CTCF: variants seen among roughly 807,000 people sequenced by gnomAD.
CTCF encodes CCCTC-binding factor.
In CTCF, 7 loss-of-function variants were observed where a neutral mutation model predicts 72.3. The ratio of observed to expected loss-of-function variants is 0.10; its 90% CI spans 0.06 to 0.18. CTCF has a LOEUF of 0.18. Among genes scored for constraint, CTCF ranks in the 10% least tolerant of loss-of-function variants. The probability of loss-of-function intolerance (pLI) is 1.00; values close to 1 mark genes in which losing one functional copy is unlikely to be tolerated. For missense variants in CTCF, 516 were observed against 949.1 expected, an observed-to-expected ratio of 0.54 and a Z score of 6.00; for synonymous variants, 374 against 315.8, an observed-to-expected ratio of 1.18 and a Z score of -1.95.
intron 2 of CTCF, among the ~76,000 whole-genome samples, chr16:67,578,325 CTTTTTTTTTTTTTT>C (rs944395345): frequency 1.2e-5 from 1 of 84,480 alleles, no homozygotes; most frequent in Non-Finnish European, 2.2e-5. Flanking sequence ...GTTTATGTAT[CTTTTTTTTTTTTTT>C]TTTTTTTTTT....
At chr16:67,578,695 C>G (rs1490871453) in intron 2 of CTCF, among the ~76,000 whole-genome samples, 1 of 151,692 alleles carries the variant, frequency 6.6e-6, no homozygotes, top group African/African-American at 2.4e-5. Flanking sequence ...CGCCTGTAAT[C>G]TCAGCATTTT....
chr16:67,601,580 G>T (rs2051892918), intron 2 of CTCF, among the ~76,000 whole-genome samples: 1 of 151,938 alleles, frequency 6.6e-6, no homozygotes, highest in Admixed American at 6.6e-5. Context: ...CTGACCTCGG[G>T]GATGCTCTGA....
chr16:67,569,681 A>C (rs1470141197), intron 1 of CTCF, among the ~76,000 whole-genome samples: 1 of 150,814 alleles, frequency 6.6e-6, no homozygotes, highest in Admixed American at 6.6e-5. Context: ...TCCTTTTGCC[A>C]GTTATCTTTT....
rs2052467216 is a variant in CTCF at position 67,638,789 on chromosome 16, C to T, written c.*917C>T. The T allele has an allele frequency of 9.3e-6, 2 of 215,820 alleles. No individual in the cohort carries two copies. The highest frequency in any genetic ancestry group is 4.5e-5 in the African/African-American group (2 of 44,392). The allele number at this position is 215,820 out of a possible 1,614,324, so 13.4% of individuals were successfully genotyped here. Reference sequence around the variant, plus strand: ...CAGAAGGGTGATTATGAGTGGTTCACAGCAGCCCTTATAAGCTGGGCCAGA... The same window carrying T: ...CAGAAGGGTGATTATGAGTGGTTCATAGCAGCCCTTATAAGCTGGGCCAGA... On this transcript the variant is annotated 3_prime_UTR_variant, in exon 12 of 12. Coordinates refer to ENST00000264010, the MANE Select transcript of CTCF (RefSeq NM_006565.4).
intron 2 of CTCF, among the ~76,000 whole-genome samples, chr16:67,602,734 G>A (rs575498581): frequency 2.0e-5 from 3 of 151,728 alleles, no homozygotes; most frequent in Admixed American, 1.3e-4. Context: ...CCAGCTACTC[G>A]GGAGGCTGAG....
chr16:67,619,357 C>T (rs2052172658), intron 5 of CTCF, among the ~76,000 whole-genome samples: 1 of 152,006 alleles, frequency 6.6e-6, no homozygotes, highest in South Asian at 2.1e-4. Flanking sequence ...AATTGCTTGA[C>T]CCTGGGAGGC....
At chr16:67,569,976 C>T (rs1332849883) in intron 1 of CTCF, among the ~76,000 whole-genome samples, 1 of 152,094 alleles carries the variant, frequency 6.6e-6, no homozygotes, top group Non-Finnish European at 1.5e-5. Flanking sequence ...AAAGCATAGC[C>T]TTTACTTGTG....
At chr16:67,632,666 G>T (rs975906556) in intron 10 of CTCF, among the ~76,000 whole-genome samples, 3 of 151,784 alleles carry the variant, frequency 2.0e-5, no homozygotes, top group African/African-American at 4.8e-5. Context: ...CCCCAATTCT[G>T]ACTGAACTTG....
chr16:67,571,607 G>C (rs934443803), intron 2 of CTCF, among the ~76,000 whole-genome samples: 2 of 152,196 alleles, frequency 1.3e-5, no homozygotes, highest in African/African-American at 4.8e-5. Flanking sequence ...CCAGGAAATT[G>C]TGGCTGCTTT....
intron 7 of CTCF, among the ~76,000 whole-genome samples, chr16:67,624,580 C>G (rs1414075786): frequency 6.6e-6 from 1 of 151,824 alleles, no homozygotes; most frequent in East Asian, 1.9e-4. Flanking sequence ...GCCTTAACTC[C>G]AAGGTTTTTG....
chr16:67,594,632 A>C (rs1396202552), intron 2 of CTCF, among the ~76,000 whole-genome samples: 1 of 152,186 alleles, frequency 6.6e-6, no homozygotes, highest in Non-Finnish European at 1.5e-5. Context: ...CAATAAAGGT[A>C]AATTCGTATA....
At chr16:67,587,242 G>A (rs547117168) in intron 2 of CTCF, among the ~76,000 whole-genome samples, 1 of 151,986 alleles carries the variant, frequency 6.6e-6, no homozygotes, top group South Asian at 2.1e-4. Context: ...AATGGTAGGC[G>A]TGAGCCACCC....
chr16:67,624,408 G>C (rs533888626), intron 7 of CTCF, among the ~76,000 whole-genome samples: 2 of 151,914 alleles, frequency 1.3e-5, no homozygotes, highest in Non-Finnish European at 2.9e-5. Flanking sequence ...TTCTTCCTAA[G>C]AGATGACTTG....
intron 2 of CTCF, among the ~76,000 whole-genome samples, chr16:67,575,192 T>C (rs1261244856): frequency 1.3e-5 from 2 of 152,134 alleles, no homozygotes; most frequent in Non-Finnish European, 2.9e-5. Flanking sequence ...GAGGTTGCAA[T>C]GAGCCGTGGT....
In CTCF at chr16:67,610,854, G is replaced by T; in HGVS notation, c.22G>T (p.Ala8Ser). Residue 8 changes from alanine (A) to serine (S), a missense_variant, in exon 3 of 12, where the codon GCC becomes TCC. This residue lies in a region of CTCF where 148 missense variants were observed against 194.9 expected (regional missense o/e 0.76). Coordinates refer to ENST00000264010, the MANE Select transcript of CTCF (RefSeq NM_006565.4). MEGDAVE[A>S]IVEESETFIK... ...GGAAATGGAAGGTGATGCAGTCGAA[G>T]CCATTGTGGAGGAGTCCGAAACTTT... 6.7e-7 allele frequency: 1 copy of T among 1,488,240 alleles called. No homozygotes were observed. The highest frequency in any genetic ancestry group is 8.9e-7 in the Non-Finnish European group (1 of 1,117,370). 92.2% of individuals were successfully genotyped at this position (1,488,240 alleles called of 1,614,324 possible). A position where few individuals can be genotyped will look rare whatever the true frequency, so the allele number is the denominator to read the frequency against.
intron 2 of CTCF, among the ~76,000 whole-genome samples, chr16:67,604,766 C>CTTT (rs2051950247): frequency 3.8e-5 from 4 of 104,574 alleles, no homozygotes; most frequent in African/African-American, 1.3e-4. Flanking sequence ...TTTTTTTTTA[C>CTTT]TTTTTAATAT....
rs548293369 is a variant in CTCF, at chr16:67,604,739, TTTTTTGTTTTTTG to T, written c.-9-6079_-9-6067del. 2.0e-3 allele frequency among the ~76,000 whole-genome samples: 269 copies of T among 133,502 alleles called. 5 individuals carry two copies. The highest frequency in any genetic ancestry group is 7.9e-3 in the African/African-American group (253 of 31,934). The allele number at this position is 133,502 out of a possible 152,430, so 87.6% of individuals were successfully genotyped here. ...AATTAATTTCACCAGGGTTTTTTTT[TTTTTTGTTTTTTG>T]TTTTTTTTTTTTACTTTTTAATATG... On this transcript the variant is annotated intron_variant, in intron 2 of 11. Coordinates refer to ENST00000264010, the MANE Select transcript of CTCF (RefSeq NM_006565.4).
At chr16:67,620,487 T>C (rs529209862) in intron 5 of CTCF, among the ~76,000 whole-genome samples, 2 of 152,302 alleles carry the variant, frequency 1.3e-5, no homozygotes, top group Admixed American at 6.5e-5. Context: ...GGCTTATCTA[T>C]ACCCGTATTC....
intron 1 of CTCF, among the ~76,000 whole-genome samples, chr16:67,564,199 T>TA (rs1257857448): frequency 3.3e-5 from 5 of 152,252 alleles, no homozygotes; most frequent in African/African-American, 1.2e-4. Flanking sequence ...CTTTCTTCAC[T>TA]AAAAAGCATC....
Sources: gnomAD v4.1 joint callset for allele counts (sites outside exome capture counted in the v4.1 genomes callset) on GRCh38, gnomAD v4.1.1 for gene constraint, gnomAD v4.1.1 regional missense constraint, MANE v1.5 for transcripts, NCBI Gene and HGNC (gene_info 2026-07-23, HGNC 2026-07-21) for gene names.